RGS7: variants seen among roughly 807,000 people sequenced by gnomAD.
The protein encoded by RGS7 is regulator of G-protein signaling 7.
RGS7 carries 27 observed loss-of-function variants against 81.1 expected under a neutral mutation model. The observed-to-expected ratio is 0.33, with a 90% confidence interval of 0.25 to 0.46. RGS7 has a LOEUF of 0.46. Ranked by LOEUF, RGS7 falls within the 20% of genes least tolerant of loss-of-function variation. RGS7 has a pLI of 1.00. For synonymous variants in RGS7, 208 were observed against 207.7 expected (o/e 1.00, Z -0.01); for missense variants, 396 against 607.4 (o/e 0.65, Z 3.66).
intron 18 of RGS7, among the ~76,000 whole-genome samples, chr1:240,780,488 A>G (rs919147488): frequency 6.6e-6 from 1 of 151,046 alleles, no homozygotes; most frequent in African/African-American, 2.4e-5. Context: ...TGTGGGATGA[A>G]GGAAGGTACA....
chr1:241,022,329 G>A (rs1027251816), intron 3 of RGS7, among the ~76,000 whole-genome samples: 24 of 152,182 alleles, frequency 1.6e-4, no homozygotes, highest in African/African-American at 5.8e-4. Flanking sequence ...GCAGTTTAGA[G>A]TTTAACTTTG....
intron 3 of RGS7, among the ~76,000 whole-genome samples, chr1:241,088,358 G>A (rs1391549927): frequency 6.6e-6 from 1 of 151,904 alleles, no homozygotes; most frequent in East Asian, 1.9e-4. Context: ...ATACCATTTT[G>A]GCATACTGAT....
intron 3 of RGS7, among the ~76,000 whole-genome samples, chr1:241,057,817 A>T (rs1192923800): frequency 6.6e-6 from 1 of 152,178 alleles, no homozygotes; most frequent in Non-Finnish European, 1.5e-5. Context: ...AGCCGGGATC[A>T]CACCGCTGCA....
At chr1:241,256,037 T>C (rs559531625) in intron 2 of RGS7, among the ~76,000 whole-genome samples, 1 of 152,102 alleles carries the variant, frequency 6.6e-6, no homozygotes, top group Non-Finnish European at 1.5e-5. Context: ...ATAATAAAAC[T>C]GCACATAGAT....
intron 3 of RGS7, among the ~76,000 whole-genome samples, chr1:241,019,893 G>C (rs2059454155): frequency 6.6e-6 from 1 of 152,160 alleles, no homozygotes; most frequent in African/African-American, 2.4e-5. Flanking sequence ...TCTCTGATGG[G>C]TAGAAGAAAA....
chr1:241,007,180 G>A (rs2148651245), intron 3 of RGS7, among the ~76,000 whole-genome samples: 1 of 152,194 alleles, frequency 6.6e-6, no homozygotes, highest in South Asian at 2.1e-4. Flanking sequence ...GCATCCCAAA[G>A]TGCTGGGATT....
intron 2 of RGS7, among the ~76,000 whole-genome samples, chr1:241,151,508 G>A (rs1247973012): frequency 6.6e-6 from 1 of 150,928 alleles, no homozygotes; most frequent in African/African-American, 2.4e-5. Context: ...ACTCAACTCT[G>A]TCAAAGACAC....
intron 3 of RGS7, among the ~76,000 whole-genome samples, chr1:241,075,715 T>C (rs533090017): frequency 6.6e-6 from 1 of 152,326 alleles, no homozygotes; most frequent in South Asian, 2.1e-4. Context: ...TTGGACAAGC[T>C]TGCCCTAGAT....
intron 2 of RGS7, among the ~76,000 whole-genome samples, chr1:241,175,137 C>T (rs191087943): frequency 9.2e-5 from 14 of 151,994 alleles, no homozygotes; most frequent in Non-Finnish European, 1.6e-4. Context: ...TGCCTGACCT[C>T]GTGATCCACT....
chr1:240,788,075 T>C (rs2102997181), intron 18 of RGS7, among the ~76,000 whole-genome samples: 1 of 152,334 alleles, frequency 6.6e-6, no homozygotes, highest in African/African-American at 2.4e-5. Flanking sequence ...AATTATTAAA[T>C]GGGACAACAT....
At chr1:241,208,045 A>G (rs1316807458) in intron 2 of RGS7, among the ~76,000 whole-genome samples, 2 of 152,046 alleles carry the variant, frequency 1.3e-5, no homozygotes, top group Non-Finnish European at 2.9e-5. Flanking sequence ...AGCTGGGAAT[A>G]CAGGCGCCCG....
intron 2 of RGS7, among the ~76,000 whole-genome samples, chr1:241,332,649 T>C (rs1324239300): frequency 6.6e-6 from 1 of 152,188 alleles, no homozygotes; most frequent in Non-Finnish European, 1.5e-5. Flanking sequence ...AGAGAAAACC[T>C]AATTAATTGT....
intron 6 of RGS7, among the ~76,000 whole-genome samples, chr1:240,885,585 T>A (rs1667212066): frequency 6.6e-6 from 1 of 152,222 alleles, no homozygotes; most frequent in Admixed American, 6.5e-5. Flanking sequence ...AATGAGATCA[T>A]GTCTTTTGAG....
chr1:241,212,632 T>C (rs375555257), intron 2 of RGS7, among the ~76,000 whole-genome samples: 49 of 152,312 alleles, frequency 3.2e-4, no homozygotes, highest in African/African-American at 1.1e-3. Flanking sequence ...AATAAGAATC[T>C]CAGGGACCTT....
rs10926388 is a variant in RGS7, at chr1:240,973,230, T to C, written c.226+9849A>G. Among the ~76,000 whole-genome samples the C allele has an allele frequency of 6.4e-3, 980 of 152,010 alleles. 13 individuals are homozygous for C. Among genetic ancestry groups the C allele is most frequent in the African/African-American group, 0.023 (936 of 41,466 alleles). ...TGATATGATAATCAAGTAAAATAATTTAATTAAGGCTGGGGGCCATGGCTC... is the reference window on the plus strand; with the variant it reads ...TGATATGATAATCAAGTAAAATAATCTAATTAAGGCTGGGGGCCATGGCTC... On this transcript the variant is annotated intron_variant, in intron 4 of 18. Transcript: ENST00000440928.
chr1:241,180,249 C>T (rs1254390553), intron 2 of RGS7, among the ~76,000 whole-genome samples: 1 of 152,050 alleles, frequency 6.6e-6, no homozygotes, highest in South Asian at 2.1e-4. Context: ...GTGGCGGGTG[C>T]CTGTAGTCTC....
At chr1:241,166,235 G>C (rs1457210845) in intron 2 of RGS7, among the ~76,000 whole-genome samples, 1 of 152,228 alleles carries the variant, frequency 6.6e-6, no homozygotes, top group East Asian at 1.9e-4. Flanking sequence ...AAGAAAACAG[G>C]ATGAGTGGGG....
intron 2 of RGS7, among the ~76,000 whole-genome samples, chr1:241,291,376 T>G (rs530167759): frequency 6.6e-6 from 1 of 152,288 alleles, no homozygotes; most frequent in Admixed American, 6.5e-5. Context: ...AGGCAGATGA[T>G]ACTCTGGTTT....
At chr1:241,197,113 A>G (rs765207684) in intron 2 of RGS7, among the ~76,000 whole-genome samples, 1 of 151,862 alleles carries the variant, frequency 6.6e-6, no homozygotes. Flanking sequence ...AAACACTCCA[A>G]TTAAATAACA....
Sources: allele counts gnomAD v4.1 joint callset (sites outside exome capture counted in the v4.1 genomes callset), GRCh38; gene constraint gnomAD v4.1.1; transcripts MANE v1.5; gene names NCBI Gene and HGNC (gene_info 2026-07-23, HGNC 2026-07-21).